DLG2: variants seen among roughly 807,000 people sequenced by gnomAD.
The protein encoded by DLG2 is disks large homolog 2.
Under a neutral mutation model 132.5 loss-of-function variants are expected in DLG2, and 45 were observed. The ratio of observed to expected loss-of-function variants is 0.34; its 90% CI spans 0.27 to 0.44. DLG2 has a LOEUF of 0.44. DLG2 is among the 20% of genes least tolerant of loss of function. The probability of loss-of-function intolerance (pLI) is 1.00; values close to 1 mark genes in which losing one functional copy is unlikely to be tolerated. For missense variants in DLG2, 1,045 were observed against 1,196.9 expected (o/e 0.87, Z 1.87); for synonymous variants, 424 against 419.6 (o/e 1.01, Z -0.13).
intron 6 of DLG2, among the ~76,000 whole-genome samples, chr11:84,607,230 C>T (rs561770280): frequency 3.9e-5 from 6 of 152,170 alleles, no homozygotes; most frequent in African/African-American, 1.2e-4. Context: ...AAGTGATTTA[C>T]GATAACTATT....
intron 6 of DLG2, among the ~76,000 whole-genome samples, chr11:84,576,561 A>G (rs1413244960): frequency 6.6e-6 from 1 of 152,192 alleles, no homozygotes; most frequent in African/African-American, 2.4e-5. Context: ...AGAGTACAAC[A>G]TATTGCAGTC....
At chr11:85,182,541 T>C (rs554758731) in intron 4 of DLG2, among the ~76,000 whole-genome samples, 1 of 151,928 alleles carries the variant, frequency 6.6e-6, no homozygotes, top group East Asian at 1.9e-4. Flanking sequence ...TAGAAATGTA[T>C]CAGTTTTCTA....
intron 14 of DLG2, among the ~76,000 whole-genome samples, chr11:83,954,150 A>G (rs1431198519): frequency 1.3e-5 from 2 of 152,164 alleles, no homozygotes; most frequent in African/African-American, 4.8e-5. Context: ...TAAATTTCTC[A>G]TTAGTGTTGC....
intron 8 of DLG2, among the ~76,000 whole-genome samples, chr11:84,216,182 C>A (rs1216568437): frequency 6.6e-6 from 1 of 151,930 alleles, no homozygotes; most frequent in Non-Finnish European, 1.5e-5. Context: ...TCTTTGTGGG[C>A]CCCTATCTAT....
In DLG2 at chr11:85,229,983, G is replaced by T. The variant is rs189140036; in HGVS notation, c.186+55237C>A. Among the ~76,000 whole-genome samples the T allele has an allele frequency of 2.4e-4, 36 of 152,152 alleles. 1 individual carries two copies. The highest frequency in any genetic ancestry group is 7.2e-4 in the African/African-American group (30 of 41,532). ...ATCACACATCGGGGCCTGTCAAGGG[G>T]TGGGGAGCTAGAGGAGGGATAGCAT... On this transcript the variant is annotated intron_variant, in intron 4 of 27. Coordinates refer to ENST00000376104, the MANE Select transcript of DLG2 (RefSeq NM_001142699.3).
chr11:83,857,617 T>C (rs1431801606), intron 16 of DLG2, among the ~76,000 whole-genome samples: 3 of 152,224 alleles, frequency 2.0e-5, no homozygotes, highest in African/African-American at 7.2e-5. Flanking sequence ...CATGTCATTA[T>C]ACGATTGTCC....
intron 15 of DLG2, among the ~76,000 whole-genome samples, chr11:83,879,280 T>G (rs1214556434): frequency 1.3e-5 from 2 of 152,168 alleles, no homozygotes; most frequent in African/African-American, 4.8e-5. Context: ...CACAAAAAGT[T>G]TTTTGTGTAC....
chr11:85,611,103 G>C (rs1230565095), intron 2 of DLG2, among the ~76,000 whole-genome samples: 2 of 152,180 alleles, frequency 1.3e-5, no homozygotes, highest in Non-Finnish European at 2.9e-5. Flanking sequence ...ATAGCTCTTG[G>C]AGTCCTTACG....
chr11:85,248,017 C>T (rs2076220535), intron 4 of DLG2, among the ~76,000 whole-genome samples: 1 of 152,042 alleles, frequency 6.6e-6, no homozygotes, highest in African/African-American at 2.4e-5. Context: ...CAGATGAAAA[C>T]CACTATATTA....
At chr11:83,906,477 A>T (rs149331301) in intron 15 of DLG2, among the ~76,000 whole-genome samples, 1 of 152,214 alleles carries the variant, frequency 6.6e-6, no homozygotes, top group Non-Finnish European at 1.5e-5. Context: ...TAAGCCTCAT[A>T]AGAAAGTTGA....
At chr11:84,694,812 G>A (rs2058444963) in intron 6 of DLG2, among the ~76,000 whole-genome samples, 1 of 151,532 alleles carries the variant, frequency 6.6e-6, no homozygotes. Flanking sequence ...ATATGGGTTT[G>A]TAATACAGAG....
chr11:83,687,140 A>C (rs60876996), intron 18 of DLG2, among the ~76,000 whole-genome samples: 7,478 of 152,260 alleles, frequency 0.049, 596 homozygotes, highest in African/African-American at 0.17. Context: ...CCTTCGCAGG[A>C]AGAATGGCCA....
intron 7 of DLG2, among the ~76,000 whole-genome samples, chr11:84,474,517 AAT>A (rs922456672): frequency 3.3e-5 from 5 of 152,026 alleles, no homozygotes; most frequent in Non-Finnish European, 7.4e-5. Flanking sequence ...ACTTTTTGCC[AAT>A]GAGTGTGTTG....
chr11:84,254,773 T>C (rs1324657461), intron 7 of DLG2, among the ~76,000 whole-genome samples: 2 of 152,256 alleles, frequency 1.3e-5, no homozygotes, highest in Non-Finnish European at 2.9e-5. Flanking sequence ...GGATAAGATC[T>C]ATGTTATGTG....
intron 6 of DLG2, among the ~76,000 whole-genome samples, chr11:84,968,142 A>G (rs2154113032): frequency 6.6e-6 from 1 of 152,338 alleles, no homozygotes; most frequent in South Asian, 2.1e-4. Flanking sequence ...GCAATTAAAT[A>G]GCCATAAGAC....
Position 84,082,382 on chromosome 11 carries a change from G to A in DLG2, c.749+16541C>T, listed in dbSNP as rs186743319. ...GATTCTAATTTACTTTGAAATGTCC[G>A]TATTTTTCAAATTTTCTATGAGGTA... On this transcript the variant is annotated intron_variant, in intron 10 of 27. Coordinates refer to ENST00000376104, the MANE Select transcript of DLG2 (RefSeq NM_001142699.3). Among the ~76,000 whole-genome samples the A allele has an allele frequency of 1.1e-4, 17 of 152,194 alleles. No individual in the cohort carries two copies. The East Asian group carries it at 1.9e-3, about 17-fold the overall frequency.
intron 2 of DLG2, among the ~76,000 whole-genome samples, chr11:85,621,044 G>A (rs1366759970): frequency 1.3e-5 from 2 of 152,166 alleles, no homozygotes; most frequent in Non-Finnish European, 2.9e-5. Context: ...GTGACTTTAC[G>A]TTGAAGCCAA....
intron 7 of DLG2, among the ~76,000 whole-genome samples, chr11:84,406,945 G>A (rs1481567107): frequency 6.6e-6 from 1 of 152,180 alleles, no homozygotes; most frequent in East Asian, 1.9e-4. Flanking sequence ...AAGATGGGCA[G>A]CTCACAGATA....
At chr11:84,605,927 C>G (rs1220422789) in intron 6 of DLG2, among the ~76,000 whole-genome samples, 1 of 152,030 alleles carries the variant, frequency 6.6e-6, no homozygotes, top group East Asian at 1.9e-4. Context: ...TTCTGCTTCT[C>G]TCCAGGAAAC....
Sources: allele counts gnomAD v4.1 joint callset (sites outside exome capture counted in the v4.1 genomes callset), GRCh38; gene constraint gnomAD v4.1.1; transcripts MANE v1.5; gene names NCBI Gene and HGNC (gene_info 2026-07-23, HGNC 2026-07-21).